The following KDM4C variants were observed in gnomAD, a reference collection of about 807,000 sequenced individuals.
The protein encoded by KDM4C is lysine demethylase 4C, also known as lysine-specific demethylase 4C.
Under a neutral mutation model 129.3 loss-of-function variants are expected in KDM4C, and 81 were observed. The ratio of observed to expected loss-of-function variants is 0.63; its 90% CI spans 0.52 to 0.75. KDM4C has a LOEUF of 0.75. Ranked by LOEUF, KDM4C falls within the 30% of genes least tolerant of loss-of-function variation. KDM4C has a pLI of 0.00. For missense variants in KDM4C, 1,457 were observed against 1,304.0 expected (o/e 1.12, Z -1.81); for synonymous variants, 573 against 456.1 (o/e 1.26, Z -3.26).
Position 6,900,729 on chromosome 9 carries a change from C to A in KDM4C, c.921+7497C>A, listed in dbSNP as rs57068386. Among the ~76,000 whole-genome samples the A allele has an allele frequency of 2.5e-3, 381 of 152,312 alleles. 1 individual carries two copies. The highest frequency in any genetic ancestry group is 8.7e-3 in the African/African-American group (360 of 41,564). On this transcript the variant is annotated intron_variant, in intron 8 of 21. Transcript: ENST00000381309. ...ATTCCTTTTTAGTCTGTAGTGCAAC[C>A]GTCGTTAACTCTGAGGCTTTGACTT...
At chr9:6,974,530 G>T (rs1332295489) in intron 8 of KDM4C, among the ~76,000 whole-genome samples, 1 of 152,148 alleles carries the variant, frequency 6.6e-6, no homozygotes, top group Non-Finnish European at 1.5e-5. Context: ...AGTAATTTTT[G>T]TATTTTTAGT....
intron 19 of KDM4C, among the ~76,000 whole-genome samples, chr9:7,154,415 A>G (rs555630144): frequency 2.6e-4 from 40 of 152,332 alleles, no homozygotes; most frequent in African/African-American, 9.6e-4. Flanking sequence ...AACTCTGCTC[A>G]CAGATGGGGC....
intron 5 of KDM4C, among the ~76,000 whole-genome samples, chr9:6,870,297 G>A (rs1387240251): frequency 6.6e-6 from 1 of 151,960 alleles, no homozygotes; most frequent in East Asian, 1.9e-4. Context: ...GGACAGATGG[G>A]CCCTGTCACT....
At chr9:6,935,564 C>T (rs552248089) in intron 8 of KDM4C, among the ~76,000 whole-genome samples, 26 of 150,554 alleles carry the variant, frequency 1.7e-4, no homozygotes, top group African/African-American at 5.1e-4. Context: ...ATTACAGGTG[C>T]GCGCCACCAC....
At chr9:7,021,140 GTATATA>G (rs56054555) in intron 15 of KDM4C, among the ~76,000 whole-genome samples, 1 of 146,888 alleles carries the variant, frequency 6.8e-6, no homozygotes, top group Non-Finnish European at 1.5e-5. Context: ...GTGTGTGTGT[GTATATA>G]TATATATGTA....
chr9:7,017,945 A>G (rs1823980401), intron 15 of KDM4C, among the ~76,000 whole-genome samples: 1 of 152,210 alleles, frequency 6.6e-6, no homozygotes, highest in South Asian at 2.1e-4. Context: ...GGATAAAAAT[A>G]TGGACACTCT....
intron 1 of KDM4C, among the ~76,000 whole-genome samples, chr9:6,767,744 C>T (rs542332720): frequency 1.2e-3 from 176 of 152,290 alleles, no homozygotes; most frequent in Non-Finnish European, 1.1e-3. Context: ...CAGGCGTGAT[C>T]TTCTGTGCTT....
chr9:6,810,109 C>T (rs1286690734), intron 3 of KDM4C, among the ~76,000 whole-genome samples: 1 of 152,190 alleles, frequency 6.6e-6, no homozygotes, highest in Admixed American at 6.5e-5. Flanking sequence ...GAAGTTCTTT[C>T]TTCTCTTGTT....
At chr9:6,846,445 C>T (rs535525449) in intron 4 of KDM4C, among the ~76,000 whole-genome samples, 93 of 152,148 alleles carry the variant, frequency 6.1e-4, no homozygotes, top group Non-Finnish European at 1.1e-3. Flanking sequence ...TGAGACAGAC[C>T]TGGTACTGTT....
intron 8 of KDM4C, among the ~76,000 whole-genome samples, chr9:6,940,061 C>T (rs1355635527): frequency 7.4e-6 from 1 of 134,988 alleles, no homozygotes; most frequent in African/African-American, 2.6e-5. Flanking sequence ...TTCCCTCCTT[C>T]CCTCCTTCTC....
intron 8 of KDM4C, among the ~76,000 whole-genome samples, chr9:6,920,947 T>C (rs114957564): frequency 0.016 from 2,448 of 152,284 alleles, 61 homozygotes; most frequent in African/African-American, 0.055. Flanking sequence ...CAAATTATAT[T>C]ATTTAAAAAT....
intron 5 of KDM4C, among the ~76,000 whole-genome samples, chr9:6,866,411 G>A (rs1257714785): frequency 6.6e-6 from 1 of 152,146 alleles, no homozygotes; most frequent in African/African-American, 2.4e-5. Flanking sequence ...ATTTTCCAAA[G>A]GGTGTGAGAG....
chr9:6,871,306 G>A (rs972511256), intron 5 of KDM4C, among the ~76,000 whole-genome samples: 2 of 152,052 alleles, frequency 1.3e-5, no homozygotes, highest in Non-Finnish European at 2.9e-5. Context: ...GTTCAAGGTA[G>A]TGTTTGTTTC....
chr9:6,899,540 GGGGTGTGT>G (rs960574147), intron 8 of KDM4C, among the ~76,000 whole-genome samples: 6 of 64,610 alleles, frequency 9.3e-5, no homozygotes, highest in African/African-American at 2.8e-4. Context: ...CTTTTCCATG[GGGGTGTGT>G]GTGTGTGTGT....
intron 17 of KDM4C, among the ~76,000 whole-genome samples, chr9:7,081,528 A>C (rs1834518304): frequency 6.6e-6 from 1 of 152,138 alleles, no homozygotes; most frequent in Non-Finnish European, 1.5e-5. Flanking sequence ...ATCTGATCTC[A>C]CAGGTAGTGC....
chr9:6,765,086 C>A (rs868152611), intron 1 of KDM4C, among the ~76,000 whole-genome samples: 1 of 152,302 alleles, frequency 6.6e-6, no homozygotes, highest in Middle Eastern at 3.4e-3. Flanking sequence ...CACTCCCATC[C>A]TCCCTCCAAT....
chr9:6,968,194 A>G (rs1198965536), intron 8 of KDM4C, among the ~76,000 whole-genome samples: 2 of 152,168 alleles, frequency 1.3e-5, no homozygotes. Flanking sequence ...ATGAATGAAC[A>G]ATGCCCTGGG....
intron 7 of KDM4C, among the ~76,000 whole-genome samples, chr9:6,888,760 A>G (rs566781138): frequency 6.6e-6 from 1 of 152,268 alleles, no homozygotes; most frequent in Admixed American, 6.5e-5. Context: ...AACATTAAAA[A>G]ATAGCTCTTC....
intron 19 of KDM4C, among the ~76,000 whole-genome samples, chr9:7,135,322 G>C (rs1841081095): frequency 6.6e-6 from 1 of 152,164 alleles, no homozygotes; most frequent in Admixed American, 6.5e-5. Flanking sequence ...ATCTCAAGGT[G>C]ATTGGCATTG....
Sources: allele counts gnomAD v4.1 joint callset (sites outside exome capture counted in the v4.1 genomes callset), GRCh38; gene constraint gnomAD v4.1.1; transcripts MANE v1.5; gene names NCBI Gene and HGNC (gene_info 2026-07-23, HGNC 2026-07-21).